Variants in DCP1A observed in about 807,000 individuals in gnomAD.
DCP1A encodes mRNA-decapping enzyme 1A.
Under a neutral mutation model 58.0 loss-of-function variants are expected in DCP1A, and 20 were observed. The observed-to-expected ratio is 0.34, with a 90% confidence interval of 0.24 to 0.50. The LOEUF is 0.50. Among genes scored for constraint, DCP1A ranks in the 20% least tolerant of loss-of-function variants. DCP1A has a pLI of 0.98. For missense variants in DCP1A, 613 were observed against 712.2 expected (o/e 0.86, Z 1.59); for synonymous variants, 285 against 275.1 (o/e 1.04, Z -0.36).
At chr3:53,309,419 T>C (rs1196251248) in intron 5 of DCP1A, among the ~76,000 whole-genome samples, 1 of 151,216 alleles carries the variant, frequency 6.6e-6, no homozygotes, top group Non-Finnish European at 1.5e-5. Context: ...AGAAGTGCAA[T>C]ATCTTTCTTT....
rs145038167 is a variant in DCP1A, at chr3:53,314,781, C to T, written c.372-2402G>A. 5.9e-3 allele frequency among the ~76,000 whole-genome samples: 861 copies of T among 147,128 alleles called. 4 individuals are homozygous for T. Among genetic ancestry groups the T allele is most frequent in the African/African-American group, 0.02 (788 of 40,000 alleles). ...TCGACTCCCGGGTTCAAGCGATTCT[C>T]GTGCCTCAGCCTCCCTAGTAGCTGG... On this transcript the variant is annotated intron_variant, in intron 4 of 9. Coordinates refer to ENST00000610213, the MANE Select transcript of DCP1A (RefSeq NM_018403.7).
At chr3:53,290,924 A>G in intron 7 of DCP1A, 68 bp from the exon 8 acceptor site, 1 of 1,356,976 alleles carries the variant, frequency 7.4e-7, no homozygotes. Flanking sequence ...TCCTAGTCTT[A>G]ATTGAAAAAG....
intron 5 of DCP1A, among the ~76,000 whole-genome samples, chr3:53,306,389 G>A (rs540941298): frequency 6.6e-6 from 1 of 152,192 alleles, no homozygotes; most frequent in East Asian, 1.9e-4. Flanking sequence ...TTAAAATATT[G>A]TTCATAACAA....
chr3:53,287,722 C>T (rs561213636), intron 9 of DCP1A, 62 bp from the exon 10 acceptor site: 240 of 1,223,954 alleles, frequency 2.0e-4, no homozygotes, highest in Non-Finnish European at 2.8e-4. Context: ...GATTTTACTT[C>T]CTTGGTAACA....
In DCP1A at chr3:53,284,345, G is replaced by T. The variant is rs1553684825; in HGVS notation, c.*3235C>A. 2 of 152,216 alleles carry T rather than the reference G, an allele frequency of 1.3e-5. No individual in the cohort carries two copies. The highest frequency in any genetic ancestry group is 2.4e-5 in the African/African-American group (1 of 41,528). The allele number at this position is 152,216 out of a possible 1,614,324, so 9.4% of individuals were successfully genotyped here. On this transcript the variant is annotated 3_prime_UTR_variant, in exon 10 of 10. Transcript: ENST00000610213. The stretch of plus-strand genomic sequence containing the variant: ...AAATTTCAAACTACATTCTTTGGGG[G>T]AGGAGAGTAATAAAGCTGCATGGTT...
intron 3 of DCP1A, chr3:53,329,494 A>T (rs925655577): frequency 6.8e-5 from 27 of 397,418 alleles, no homozygotes; most frequent in African/African-American, 5.3e-4. Context: ...ATTTTAAATT[A>T]TACTTAAGAG....
intron 3 of DCP1A, among the ~76,000 whole-genome samples, chr3:53,337,399 T>C (rs1553692066): frequency 6.6e-6 from 1 of 152,246 alleles, no homozygotes; most frequent in Non-Finnish European, 1.5e-5. Flanking sequence ...ATTCTTTCAC[T>C]AATGAGATCA....
rs145346626 is a variant in DCP1A, at chr3:53,332,863, A to C, written c.304+9281T>G. 4.6e-3 allele frequency among the ~76,000 whole-genome samples: 701 copies of C among 152,172 alleles called. 6 individuals are homozygous for C. The highest frequency in any genetic ancestry group is 0.015 in the African/African-American group (633 of 41,506). On this transcript the variant is annotated intron_variant, in intron 3 of 9. Coordinates refer to ENST00000610213, the MANE Select transcript of DCP1A (RefSeq NM_018403.7). The stretch of plus-strand genomic sequence containing the variant: ...ACAAAGCAAGACTCCGTTTCAAAAA[A>C]AAAAAAAGAAATTTCTACTTTTTGC...
At chr3:53,324,674 T>TG (rs1708062260) in intron 3 of DCP1A, among the ~76,000 whole-genome samples, 1 of 152,158 alleles carries the variant, frequency 6.6e-6, no homozygotes, top group Admixed American at 6.5e-5. Context: ...TACCACACAT[T>TG]GTGACTGCTA....
chr3:53,299,680 G>T (rs1707249504), intron 6 of DCP1A, among the ~76,000 whole-genome samples: 1 of 152,206 alleles, frequency 6.6e-6, no homozygotes, highest in African/African-American at 2.4e-5. Context: ...GAAATGGAAT[G>T]TAATACTATT....
chr3:53,288,744 C>A (rs1414223265), intron 8 of DCP1A, among the ~76,000 whole-genome samples: 2 of 152,114 alleles, frequency 1.3e-5, no homozygotes, highest in African/African-American at 4.8e-5. Flanking sequence ...ATTTAAAAAT[C>A]TGCATGTTTT....
At chr3:53,315,605 T>C (rs1707779007) in intron 4 of DCP1A, among the ~76,000 whole-genome samples, 1 of 150,764 alleles carries the variant, frequency 6.6e-6, no homozygotes, top group Non-Finnish European at 1.5e-5. Context: ...CAACAGCTTC[T>C]AAGTTTAGTG....
chr3:53,309,212 A>T (rs1184405015), intron 5 of DCP1A, among the ~76,000 whole-genome samples: 1 of 152,000 alleles, frequency 6.6e-6, no homozygotes, highest in Non-Finnish European at 1.5e-5. Flanking sequence ...TCTACTAAAA[A>T]TACAAAAAAT....
At chr3:53,299,531 A>G (rs1001639155) in intron 6 of DCP1A, among the ~76,000 whole-genome samples, 3 of 152,240 alleles carry the variant, frequency 2.0e-5, no homozygotes, top group Non-Finnish European at 4.4e-5. Flanking sequence ...AGAATTTTAC[A>G]TGTCTGTTTG....
At chr3:53,300,169 G>A (rs1553687261) in intron 6 of DCP1A, among the ~76,000 whole-genome samples, 3 of 152,188 alleles carry the variant, frequency 2.0e-5, no homozygotes, top group East Asian at 1.9e-4. Flanking sequence ...CTCCATGCCC[G>A]ACCAAACGTG....
chr3:53,344,535 C>T (rs1306600679), intron 2 of DCP1A, among the ~76,000 whole-genome samples: 2 of 152,164 alleles, frequency 1.3e-5, no homozygotes, highest in Non-Finnish European at 2.9e-5. Context: ...GAGGGATCGA[C>T]CTCTCAATAA....
intron 1 of DCP1A, among the ~76,000 whole-genome samples, chr3:53,346,769 AG>A (rs2089296896): frequency 6.6e-6 from 1 of 152,184 alleles, no homozygotes; most frequent in Non-Finnish European, 1.5e-5. Context: ...GTTTGTACAA[AG>A]GTCTTCGGGG....
In DCP1A at chr3:53,286,921, T is replaced by TC; in HGVS notation, c.*658dup. On this transcript the variant is annotated 3_prime_UTR_variant, in exon 10 of 10. Coordinates refer to ENST00000610213, the MANE Select transcript of DCP1A (RefSeq NM_018403.7). ...CCACCAGAGCCTGACAGTGCCCTATTCAAATGGTAATGCTGCACTGGGGGC... is the reference window on the plus strand; with the variant it reads ...CCACCAGAGCCTGACAGTGCCCTATTCCAAATGGTAATGCTGCACTGGGGGC... 6.6e-6 allele frequency: 1 copy of TC among 152,362 alleles called. No individual in the cohort carries two copies. The highest frequency in any genetic ancestry group is 2.1e-4 in the South Asian group (1 of 4,830). 9.4% of individuals were successfully genotyped at this position (152,362 alleles called of 1,614,324 possible).
chr3:53,323,360 G>T (rs1708024377), intron 3 of DCP1A, among the ~76,000 whole-genome samples: 1 of 152,176 alleles, frequency 6.6e-6, no homozygotes, highest in Non-Finnish European at 1.5e-5. Context: ...GCTCTTAGCG[G>T]CTAAGGCTTG....
Sources: gnomAD v4.1 joint callset for allele counts (sites outside exome capture counted in the v4.1 genomes callset) on GRCh38, gnomAD v4.1.1 for gene constraint, MANE v1.5 for transcripts, NCBI Gene and HGNC (gene_info 2026-07-23, HGNC 2026-07-21) for gene names.